Variants in BNIP2 observed in about 807,000 individuals in gnomAD.
BNIP2 encodes BCL2 interacting protein 2.
A neutral mutation model predicts 43.4 loss-of-function variants in BNIP2; 36 were observed. That is an observed-to-expected ratio of 0.83 (90% CI 0.64 to 1.10). BNIP2 has a LOEUF of 1.10. Ranked by LOEUF, BNIP2 falls within the 50% of genes least tolerant of loss-of-function variation. The pLI, the probability that BNIP2 is intolerant of heterozygous loss-of-function variation, is 0.00. For missense variants in BNIP2, 417 were observed against 374.1 expected (o/e 1.11, Z -0.95); for synonymous variants, 146 against 121.0 (o/e 1.21, Z -1.35).
At chr15:59,673,900 C>A (rs1371312919) in intron 5 of BNIP2, among the ~76,000 whole-genome samples, 1 of 151,916 alleles carries the variant, frequency 6.6e-6, no homozygotes, top group African/African-American at 2.4e-5. Flanking sequence ...ACCAGCCTGG[C>A]CAACATGGCG....
chr15:59,680,327 C>A lies in BNIP2; in HGVS notation c.51-19G>T. On this transcript the variant is annotated intron_variant, in intron 2 of 9. Coordinates refer to ENST00000607373, the MANE Select transcript of BNIP2 (RefSeq NM_004330.4). ...TAAAGGTCTAGAAGACACAGGCATACTTTTTAATCCAGAAATTAAGAAAGA... is the reference window on the plus strand; with the variant it reads ...TAAAGGTCTAGAAGACACAGGCATAATTTTTAATCCAGAAATTAAGAAAGA... The A allele has an allele frequency of 1.3e-6, 2 of 1,560,624 alleles. No individual in the cohort carries two copies. Among genetic ancestry groups the A allele is most frequent in the African/African-American group, 1.4e-5 (1 of 73,006 alleles).
rs541296735 is a variant in BNIP2, at chr15:59,688,899, G to T, written c.-58+236C>A. 4 of 1,472,522 alleles carry T rather than the reference G, an allele frequency of 2.7e-6. No homozygotes were observed. The South Asian group carries it at 5.5e-5, about 20-fold the overall frequency. The allele number at this position is 1,472,522 out of a possible 1,614,324, so 91.2% of individuals were successfully genotyped here. ...ACCAGAAACGGAAAAGCGACGGGGT[G>T]GGGGGCCAAACTGCCAAATACAAAC... On this transcript the variant is annotated intron_variant, in intron 1 of 9. Transcript: ENST00000607373.
Position 59,663,206 on chromosome 15 carries a change from C to A in BNIP2, c.*863G>T, listed in dbSNP as rs1892368249. The A allele has an allele frequency of 6.6e-6, 1 of 152,596 alleles. No homozygotes were observed. The highest frequency in any genetic ancestry group is 2.1e-4 in the South Asian group (1 of 4,830). The allele number at this position is 152,596 out of a possible 1,614,324, so 9.5% of individuals were successfully genotyped here. A position where few individuals can be genotyped will look rare whatever the true frequency, so the allele number is the denominator to read the frequency against. ...TGCAATACTACTCAGCACTCATATACACTCAGGGGAGCAATACCCTGGACA... is the reference window on the plus strand; with the variant it reads ...TGCAATACTACTCAGCACTCATATAAACTCAGGGGAGCAATACCCTGGACA... On this transcript the variant is annotated 3_prime_UTR_variant, in exon 10 of 10. Coordinates refer to ENST00000607373, the MANE Select transcript of BNIP2 (RefSeq NM_004330.4).
At chr15:59,688,844 G>C (rs1034354971) in intron 1 of BNIP2, 1 of 1,527,484 alleles carries the variant, frequency 6.5e-7, no homozygotes, top group African/African-American at 1.4e-5. Flanking sequence ...GGGAGCGGAG[G>C]AGGGGCAAGG....
At chr15:59,684,185 C>A (rs1323803552) in intron 1 of BNIP2, among the ~76,000 whole-genome samples, 2 of 152,138 alleles carry the variant, frequency 1.3e-5, no homozygotes, top group Non-Finnish European at 2.9e-5. Flanking sequence ...TACTTACCCT[C>A]AAGAGAAGGT....
At chr15:59,668,776 G>T in intron 9 of BNIP2, 116 bp downstream of exon 9, 1 of 845,032 alleles carries the variant, frequency 1.2e-6, no homozygotes, top group Non-Finnish European at 1.8e-6. Context: ...ACACACACGC[G>T]CGCGCGCGCA....
At chr15:59,674,584 A>G (rs538984184) in intron 5 of BNIP2, among the ~76,000 whole-genome samples, 3 of 152,198 alleles carry the variant, frequency 2.0e-5, no homozygotes, top group Non-Finnish European at 4.4e-5. Flanking sequence ...TTGCTTTCAG[A>G]TGAATGAAGA....
chr15:59,669,684 A>G (rs746614513), intron 7 of BNIP2, among the ~76,000 whole-genome samples: 1 of 152,134 alleles, frequency 6.6e-6, no homozygotes, highest in Non-Finnish European at 1.5e-5. Context: ...AAAGTAAACT[A>G]TTCTCATTTT....
chr15:59,682,775 A>C (rs1303712925), intron 1 of BNIP2, among the ~76,000 whole-genome samples: 1 of 152,140 alleles, frequency 6.6e-6, no homozygotes, highest in Non-Finnish European at 1.5e-5. Flanking sequence ...CATGTATAGT[A>C]TCTCAGGTTA....
chr15:59,678,503 A>G (rs1415882886), intron 4 of BNIP2: 3 of 1,071,020 alleles, frequency 2.8e-6, no homozygotes, highest in South Asian at 2.6e-5. Context: ...TGTTGAGCAC[A>G]TAAATTAACT....
rs540282559 is a variant in BNIP2, at chr15:59,672,311, T to C, written c.575+326A>G. On this transcript the variant is annotated intron_variant, in intron 6 of 9. Transcript: ENST00000607373. ...TTTTCTGAGACAGGGTCTTACTCTG[T>C]CACCCAGGGTAGAGTGCAGTGGCAA... The C allele has an allele frequency of 1.6e-5, 3 of 186,844 alleles. No homozygotes were observed. In the Admixed American group the frequency reaches 1.8e-4, roughly 11 times the overall value. 11.6% of individuals were successfully genotyped at this position (186,844 alleles called of 1,614,324 possible).
At chr15:59,666,325 T>C (rs1344237764) in intron 9 of BNIP2, among the ~76,000 whole-genome samples, 1 of 152,188 alleles carries the variant, frequency 6.6e-6, no homozygotes, top group African/African-American at 2.4e-5. Context: ...ACTTATCATA[T>C]CATGCAGTTG....
In BNIP2 at chr15:59,675,282, G is replaced by A. The variant is rs111773983; in HGVS notation, c.473-2543C>T. On this transcript the variant is annotated intron_variant, in intron 5 of 9. Coordinates refer to ENST00000607373, the MANE Select transcript of BNIP2 (RefSeq NM_004330.4). Reference sequence around the variant, plus strand: ...AAAAAAGAAAAAAAAATTTGTTCACGGTTTTAAGGCAAATTAAGAGTTAAG... The same window carrying A: ...AAAAAAGAAAAAAAAATTTGTTCACAGTTTTAAGGCAAATTAAGAGTTAAG... Among the ~76,000 whole-genome samples the A allele has an allele frequency of 7.5e-4, 111 of 148,422 alleles. 3 individuals carry two copies. Among genetic ancestry groups the A allele is most frequent in the South Asian group, 4.3e-4 (2 of 4,654 alleles).
chr15:59,680,377 T>A, intron 2 of BNIP2, 69 bp from the exon 3 acceptor site: 2 of 1,136,834 alleles, frequency 1.8e-6, no homozygotes, highest in South Asian at 1.5e-5. Context: ...TTCAATCTAT[T>A]AAACATACAG....
At position 59,669,337 on chromosome 15, in the gene BNIP2, T is replaced by A; in HGVS notation, c.733A>T (p.Ile245Phe). 7 of 1,535,196 alleles carry A rather than the reference T, an allele frequency of 4.6e-6. No individual in the cohort carries two copies. Among genetic ancestry groups the A allele is most frequent in the Non-Finnish European group, 6.1e-6 (7 of 1,147,404 alleles). The change falls in exon 8 of 10, where the codon ATC becomes TTC. Residue 245 changes from isoleucine to phenylalanine, a missense_variant. Physicochemically the swap from Ile to Phe is conservative, Grantham distance 21 (BLOSUM62 0). Transcript: ENST00000607373. ...RRLRKNLKSLIIVHPSWFIRT... is the reference protein window; with the variant it reads ...RRLRKNLKSLFIVHPSWFIRT... The stretch of plus-strand genomic sequence containing the variant: ...ATAAACCAAGAAGGATGTACAATGA[T>A]TAGGGATTTTAGATTTTTCCGTAAC...
intron 1 of BNIP2, among the ~76,000 whole-genome samples, chr15:59,685,554 A>C (rs1168357418): frequency 1.3e-5 from 2 of 152,192 alleles, no homozygotes; most frequent in African/African-American, 2.4e-5. Flanking sequence ...CTCGAAACAC[A>C]GGCAGCCCAA....
chr15:59,684,003 T>A (rs1398359251), intron 1 of BNIP2, among the ~76,000 whole-genome samples: 1 of 152,230 alleles, frequency 6.6e-6, no homozygotes, highest in Admixed American at 6.5e-5. Context: ...CCTATAGCTA[T>A]CTTATCTGCT....
chr15:59,677,224 T>A, intron 5 of BNIP2: 1 of 1,595,926 alleles, frequency 6.3e-7, no homozygotes, highest in African/African-American at 1.3e-5. Flanking sequence ...GTACCCGTCT[T>A]CCAGAGTGCC....
rs540256199 is a variant in BNIP2 at position 59,671,138 on chromosome 15, T to G, written c.707+45A>C. The G allele has an allele frequency of 8.1e-6, 12 of 1,489,732 alleles. No homozygotes were observed. In the South Asian group the frequency reaches 1.6e-4, roughly 20 times the overall value. The allele number at this position is 1,489,732 out of a possible 1,614,324, so 92.3% of individuals were successfully genotyped here. A position where few individuals can be genotyped will look rare whatever the true frequency, so the allele number is the denominator to read the frequency against. On this transcript the variant is annotated intron_variant, in intron 7 of 9. Coordinates refer to ENST00000607373, the MANE Select transcript of BNIP2 (RefSeq NM_004330.4). ...AACAAAGTTTGATTTCCTAAAGCCA[T>G]TATAAAATTTTTTCAGACTAGCTTT...
Sources: gnomAD v4.1 joint callset for allele counts (sites outside exome capture counted in the v4.1 genomes callset) on GRCh38, gnomAD v4.1.1 for gene constraint, MANE v1.5 for transcripts, NCBI Gene and HGNC (gene_info 2026-07-23, HGNC 2026-07-21) for gene names.